The following DRC4 variants were observed in gnomAD, a reference collection of about 807,000 sequenced individuals.
DRC4 encodes GAS-11.
chr16:90,028,949 T>C, the DRC4 span: 1 of 1,303,164 alleles, frequency 7.7e-7, no homozygotes, highest in Non-Finnish European at 1.0e-6. Flanking sequence ...GGCAAACCAT[T>C]GGCAGTTTAA....
chr16:90,032,875 T>C, the DRC4 span: 1 of 1,613,738 alleles, frequency 6.2e-7, no homozygotes, highest in Non-Finnish European at 8.5e-7. Context: ...AAGGTGGAGC[T>C]CAAGGAGCAG....
chr16:90,020,150 T>G, the DRC4 span: 1,532 of 542,900 alleles, frequency 2.8e-3, 26 homozygotes, highest in African/African-American at 0.028. Flanking sequence ...ATTAGATCAT[T>G]GCATTTGTAA....
At chr16:90,026,099 C>T in the DRC4 span, among the ~76,000 whole-genome samples, 9 of 152,096 alleles carry the variant, frequency 5.9e-5, no homozygotes, top group Admixed American at 2.0e-4. Context: ...CCAGCTTGGG[C>T]GACAGAGCAA....
At chr16:90,026,592 C>T in the DRC4 span, among the ~76,000 whole-genome samples, 1 of 152,180 alleles carries the variant, frequency 6.6e-6, no homozygotes, top group South Asian at 2.1e-4. Context: ...TAACATTTGG[C>T]AGTGTGGTAT....
the DRC4 span, among the ~76,000 whole-genome samples, chr16:90,023,780 T>A: frequency 1.3e-5 from 2 of 150,516 alleles, 1 homozygote; most frequent in Non-Finnish European, 3.0e-5. Context: ...GATCATGAGG[T>A]CAGGAGATCC....
At chr16:90,037,870 C>A in the DRC4 span, 1 of 1,606,496 alleles carries the variant, frequency 6.2e-7, no homozygotes, top group South Asian at 1.1e-5. Flanking sequence ...CACGCTGGCC[C>A]TGCAGTTGGC....
the DRC4 span, chr16:90,037,638 G>C: frequency 9.5e-7 from 1 of 1,056,594 alleles, no homozygotes; most frequent in South Asian, 1.4e-5. Context: ...TCAGCTGCTT[G>C]TGTCCTGGAA....
At chr16:90,037,985 CT>C in the DRC4 span, 2 of 751,686 alleles carry the variant, frequency 2.7e-6, no homozygotes, top group South Asian at 3.1e-5. Context: ...CGGGGCTCTC[CT>C]TGTGGCCCCT....
the DRC4 span, among the ~76,000 whole-genome samples, chr16:90,027,189 C>A: frequency 4.0e-5 from 6 of 151,644 alleles, no homozygotes; most frequent in Admixed American, 2.0e-4. Flanking sequence ...AGGTTCAAGC[C>A]ATTCTCCTGC....
At chr16:90,042,457 T>C in the DRC4 span, 1 of 1,612,898 alleles carries the variant, frequency 6.2e-7, no homozygotes, top group Non-Finnish European at 8.5e-7. Context: ...TCCCATCACC[T>C]CTCTCTCCTC....
At chr16:90,028,583 T>TG in the DRC4 span, among the ~76,000 whole-genome samples, 1 of 152,200 alleles carries the variant, frequency 6.6e-6, no homozygotes, top group African/African-American at 2.4e-5. Flanking sequence ...GGTGATGTTT[T>TG]TATAGTTTCT....
chr16:90,032,625 A>ACAGGTGTGCTATGGGTGAC, the DRC4 span: 2 of 1,123,630 alleles, frequency 1.8e-6, no homozygotes, highest in Admixed American at 1.8e-5. Context: ...GAGGTGTGGT[A>ACAGGTGTGCTATGGGTGAC]CAGGTGTGCT....
At chr16:90,036,888 G>A in the DRC4 span, 2 of 575,858 alleles carry the variant, frequency 3.5e-6, no homozygotes, top group Non-Finnish European at 3.1e-6. Context: ...TGATGTGGCT[G>A]GAGTGGATAG....
the DRC4 span, chr16:90,040,047 G>C: frequency 1.9e-6 from 1 of 534,096 alleles, no homozygotes. Context: ...GGACACTTAT[G>C]GCTTCCAGAG....
chr16:90,023,956 C>CA, the DRC4 span, among the ~76,000 whole-genome samples: 1 of 133,572 alleles, frequency 7.5e-6, no homozygotes, highest in Admixed American at 7.1e-5. Flanking sequence ...CGCACCACCG[C>CA]ACTCCAGCCT....
the DRC4 span, chr16:90,042,233 G>C: frequency 1.7e-6 from 1 of 574,700 alleles, no homozygotes. Flanking sequence ...GCAGTGCCTG[G>C]CCTGGACTGT....
the DRC4 span, chr16:90,032,992 T>C: frequency 7.7e-7 from 1 of 1,297,370 alleles, no homozygotes; most frequent in Non-Finnish European, 1.1e-6. Flanking sequence ...CTGCATGAAC[T>C]CCTGTTTATT....
chr16:90,041,878 C>T, the DRC4 span, among the ~76,000 whole-genome samples: 1 of 152,150 alleles, frequency 6.6e-6, no homozygotes. Flanking sequence ...GACCAGTCTC[C>T]ACAGTGTGGC....
chr16:90,044,163 C>T, the DRC4 span: 16 of 454,882 alleles, frequency 3.5e-5, no homozygotes, highest in African/African-American at 8.0e-5. Flanking sequence ...GGCGCTTCTG[C>T]GGCGGCTCCA....
Sources: gnomAD v4.1 joint callset for allele counts (sites outside exome capture counted in the v4.1 genomes callset) on GRCh38, gnomAD v4.1.1 for gene constraint, MANE v1.5 for transcripts, NCBI Gene and HGNC (gene_info 2026-07-23, HGNC 2026-07-21) for gene names.